Variants in DNAH5 observed in about 807,000 individuals in gnomAD.
The protein encoded by DNAH5 is dynein axonemal heavy chain 5, also known as axonemal beta dynein heavy chain 5.
DNAH5 carries 372 observed loss-of-function variants against 518.2 expected under a neutral mutation model. The observed-to-expected ratio is 0.72, with a 90% CI of 0.66 to 0.78. The LOEUF is 0.78. Ranked by LOEUF, DNAH5 falls within the 30% of genes least tolerant of loss-of-function variation. The probability of loss-of-function intolerance (pLI) is 0.00; values close to 1 mark genes in which losing one functional copy is unlikely to be tolerated. For synonymous variants in DNAH5, 2,039 were observed against 2,025.9 expected (o/e 1.01, Z -0.17); for missense variants, 5,523 against 5,687.0 (o/e 0.97, Z 0.93).
At chr5:13,756,340 AT>A (rs5866064) in intron 61 of DNAH5, among the ~76,000 whole-genome samples, 3 of 151,590 alleles carry the variant, frequency 2.0e-5, no homozygotes, top group African/African-American at 7.3e-5. Context: ...GTATGCCCAG[AT>A]TTTTTTTTAA....
intron 4 of DNAH5, among the ~76,000 whole-genome samples, chr5:13,922,936 G>C (rs1211217587): frequency 1.3e-5 from 2 of 151,486 alleles, no homozygotes; most frequent in African/African-American, 2.4e-5. Context: ...AAAAAAAAAA[G>C]TTATATATCC....
At chr5:13,796,292 T>C (rs946426229) in intron 47 of DNAH5, among the ~76,000 whole-genome samples, 2 of 152,198 alleles carry the variant, frequency 1.3e-5, no homozygotes, top group African/African-American at 2.4e-5. Flanking sequence ...GTTGTATATT[T>C]AGAAAACACC....
chr5:13,876,893 G>A, intron 21 of DNAH5, 76 bp from the exon 22 acceptor site: 7 of 1,460,614 alleles, frequency 4.8e-6, no homozygotes, highest in South Asian at 1.2e-5. Context: ...GGATATTTCT[G>A]TGATAGTAAA....
rs957613489 is a variant in DNAH5, at chr5:13,830,070, C to G, written c.6205G>C (p.Asp2069His). 1.2e-6 allele frequency: 2 copies of G among 1,613,938 alleles called. No individual in the cohort carries two copies. The highest frequency in any genetic ancestry group is 8.5e-7 in the Non-Finnish European group (1 of 1,180,012). The change falls in exon 37 of 79, where the codon GAT becomes CAT. Residue 2069 changes from aspartate to histidine, a missense_variant. By Grantham distance (81) the Asp-to-His change is moderately conservative. Coordinates refer to ENST00000265104, the MANE Select transcript of DNAH5 (RefSeq NM_001369.3). The part of the protein sequence containing the change: ...HKKSFIFTDG[D>H]NVTMNPEFGL... ...AATTCAGGGTTCATAGTCACATTATCTCCATCAGTAAAGATAAAAGACTTT... is the reference window on the plus strand; with the variant it reads ...AATTCAGGGTTCATAGTCACATTATGTCCATCAGTAAAGATAAAAGACTTT...
intron 5 of DNAH5, among the ~76,000 whole-genome samples, chr5:13,921,430 C>CTCTG (rs1277919692): frequency 3.2e-5 from 3 of 94,728 alleles, no homozygotes; most frequent in African/African-American, 1.1e-4. Context: ...CTCTCCCTCT[C>CTCTG]TCTCTGTCTC....
At chr5:13,736,083 T>C (rs1747370536) in intron 66 of DNAH5, 151 bp from the exon 67 acceptor site, 1 of 668,960 alleles carries the variant, frequency 1.5e-6, no homozygotes, top group Non-Finnish European at 2.7e-6. Context: ...CGATATTCAT[T>C]TATTAATATA....
rs190753060 is a variant in DNAH5 at position 13,768,161 on chromosome 5, G to A, written c.9897+799C>T. Among the ~76,000 whole-genome samples the A allele has an allele frequency of 5.5e-3, 829 of 152,062 alleles. 2 individuals carry two copies. The highest frequency in any genetic ancestry group is 0.019 in the African/African-American group (779 of 41,446). On this transcript the variant is annotated intron_variant, in intron 58 of 78. Coordinates refer to ENST00000265104, the MANE Select transcript of DNAH5 (RefSeq NM_001369.3). Reference sequence around the variant, plus strand: ...TCTATGTCCCCACCCAAATCTCATCGCAAACTGTAATCTCCACATGTCAAG... The same window carrying A: ...TCTATGTCCCCACCCAAATCTCATCACAAACTGTAATCTCCACATGTCAAG...
intron 12 of DNAH5, among the ~76,000 whole-genome samples, chr5:13,903,557 T>C (rs1264008268): frequency 6.6e-6 from 1 of 151,692 alleles, no homozygotes; most frequent in Non-Finnish European, 1.5e-5. Flanking sequence ...AAAAACAATA[T>C]TAAAAGAAAA....
At chr5:13,773,064 A>G (rs556250434) in intron 55 of DNAH5, among the ~76,000 whole-genome samples, 1 of 152,308 alleles carries the variant, frequency 6.6e-6, no homozygotes, top group African/African-American at 2.4e-5. Context: ...TTTTCCCAAC[A>G]AGATTTTCTA....
chr5:13,900,397 C>T lies in DNAH5; in HGVS notation c.2068G>A (p.Val690Ile). The stretch of plus-strand genomic sequence containing the variant: ...ACCAATAATGAAGCCTCAAGACCTA[C>T]ATGAATTTCTTCAATCTGTGGGAAG... ...AWLRQIEEIH[V>I]GLEASLLVKA... The change falls in exon 15 of 79, where the codon GTA becomes ATA. Residue 690 changes from valine (V) to isoleucine (I), a missense_variant. By Grantham distance (29) the Val-to-Ile change is conservative. Transcript: ENST00000265104. 3 of 1,614,116 alleles carry T rather than the reference C, an allele frequency of 1.9e-6. No homozygotes were observed. Among genetic ancestry groups the T allele is most frequent in the Non-Finnish European group, 2.5e-6 (3 of 1,179,972 alleles).
At chr5:13,983,985 G>A (rs1011940889) in intron 1 of DNAH5, among the ~76,000 whole-genome samples, 2 of 152,180 alleles carry the variant, frequency 1.3e-5, no homozygotes, top group African/African-American at 4.8e-5. Context: ...GGTGGGAGGT[G>A]GAAGTAGAGT....
chr5:13,701,547 A>C, intron 76 of DNAH5, 111 bp from the exon 77 acceptor site: 1 of 1,075,004 alleles, frequency 9.3e-7, no homozygotes, highest in Non-Finnish European at 1.4e-6. Flanking sequence ...CACTTTTATA[A>C]TGAAAAAAGT....
At chr5:13,709,431 T>C (rs1311649455) in intron 75 of DNAH5, among the ~76,000 whole-genome samples, 1 of 152,164 alleles carries the variant, frequency 6.6e-6, no homozygotes, top group African/African-American at 2.4e-5. Flanking sequence ...GCATATGTAA[T>C]TGAATTGTTT....
chr5:13,810,065 G>C lies in DNAH5; in HGVS notation c.7603C>G (p.Pro2535Ala). Residue 2535 changes from proline (P) to alanine (A), a missense_variant, in exon 45 of 79, where the codon CCC (proline) becomes GCC (alanine). Pro to Ala is a conservative substitution (Grantham distance 27). This residue lies in a region of DNAH5 where 5,121 missense variants were observed against 5,223.3 expected (regional missense o/e 0.98). Coordinates refer to ENST00000265104, the MANE Select transcript of DNAH5 (RefSeq NM_001369.3). ...GACGGGCAGGTGTCCTCACCATCGG[G>C]CGCCACATAGTAGTCGAAGGCGGTG... ...GDTAFDYYVA[P>A]DGTWTHWNTR... The C allele has an allele frequency of 6.4e-7, 1 of 1,552,126 alleles. No homozygotes were observed. The highest frequency in any genetic ancestry group is 1.2e-5 in the South Asian group (1 of 84,158).
chr5:13,931,292 T>A lies in DNAH5; in HGVS notation c.58-48A>T, dbSNP rs762043311. 2.5e-5 allele frequency: 40 copies of A among 1,610,880 alleles called. No individual in the cohort carries two copies. In the South Asian group the frequency reaches 4.1e-4, roughly 16 times the overall value. On this transcript the variant is annotated intron_variant, in intron 1 of 78. Transcript: ENST00000265104. ...TTACATGGAAACTGCTGTTCTCAAG[T>A]GGATTCATTTTGTAATAATTTCATA...
chr5:13,779,853 AT>A (rs1754828964), intron 53 of DNAH5, among the ~76,000 whole-genome samples: 1 of 152,162 alleles, frequency 6.6e-6, no homozygotes, highest in South Asian at 2.1e-4. Context: ...GCTGCCACTC[AT>A]GACAGCATCA....
chr5:13,738,295 G>T (rs931133865), intron 65 of DNAH5, among the ~76,000 whole-genome samples: 3 of 151,896 alleles, frequency 2.0e-5, no homozygotes, highest in African/African-American at 7.2e-5. Flanking sequence ...TGAAGACAAA[G>T]ATATATATCT....
At chr5:13,798,687 T>C (rs1163041173) in intron 47 of DNAH5, among the ~76,000 whole-genome samples, 1 of 151,898 alleles carries the variant, frequency 6.6e-6, no homozygotes, top group East Asian at 1.9e-4. Flanking sequence ...CAACTGTCCT[T>C]GAGAATCTTC....
chr5:13,968,102 T>C (rs373459724), intron 1 of DNAH5, among the ~76,000 whole-genome samples: 5 of 152,056 alleles, frequency 3.3e-5, no homozygotes, highest in Admixed American at 2.0e-4. Context: ...GTAAAAGGGG[T>C]TGAGTTCTTG....
Sources: allele counts gnomAD v4.1 joint callset (sites outside exome capture counted in the v4.1 genomes callset), GRCh38; gene constraint gnomAD v4.1.1; regional missense constraint gnomAD v4.1.1; transcripts MANE v1.5; gene names NCBI Gene and HGNC (gene_info 2026-07-23, HGNC 2026-07-21).